PDSS1: variants seen among roughly 807,000 people sequenced by gnomAD.
PDSS1 encodes the protein decaprenyl diphosphate synthase subunit 1.
In PDSS1, 43 loss-of-function variants were observed where a neutral mutation model predicts 57.5. The ratio of observed to expected loss-of-function variants is 0.75; its 90% CI spans 0.59 to 0.96. PDSS1 has a LOEUF of 0.96. Ranked by LOEUF, PDSS1 falls within the 50% of genes least tolerant of loss-of-function variation. The probability of loss-of-function intolerance (pLI) is 0.00; values close to 1 mark genes in which losing one functional copy is unlikely to be tolerated. For synonymous variants in PDSS1, 175 were observed against 191.3 expected (o/e 0.91, Z 0.70); for missense variants, 438 against 527.8 (o/e 0.83, Z 1.67).
At position 26,735,380 on chromosome 10, in the gene PDSS1, T is replaced by C. The variant is rs1023588581; in HGVS notation, c.912+60T>C. 3 of 1,373,552 alleles carry C rather than the reference T, an allele frequency of 2.2e-6. No individual in the cohort carries two copies. In the African/African-American group the frequency reaches 4.3e-5, roughly 20 times the overall value. The allele number at this position is 1,373,552 out of a possible 1,614,324, so 85.1% of individuals were successfully genotyped here. On this transcript the variant is annotated intron_variant, in intron 9 of 11. Transcript: ENST00000376215. ...TAGTGATACAGTCAGCATTCTCCCC[T>C]AGTGTGTAATCGTCAAAATAGTAAG...
chr10:26,729,583 A>G (rs1279291401), intron 8 of PDSS1, among the ~76,000 whole-genome samples: 6 of 152,188 alleles, frequency 3.9e-5, no homozygotes, highest in Non-Finnish European at 7.3e-5. Flanking sequence ...CTGAGAATAT[A>G]CCATAGGAGT....
intron 5 of PDSS1, among the ~76,000 whole-genome samples, chr10:26,713,234 G>A (rs2132239277): frequency 6.8e-6 from 1 of 146,854 alleles, no homozygotes; most frequent in Non-Finnish European, 1.5e-5. Flanking sequence ...AGAGGTTGCA[G>A]TGAGCCGAGA....
chr10:26,715,795 A>C (rs1835554461), intron 5 of PDSS1: 1 of 152,300 alleles, frequency 6.6e-6, no homozygotes, highest in South Asian at 2.1e-4. Context: ...GCACAGAGCA[A>C]CCTGGATAAG....
At chr10:26,743,451 T>G (rs1028330565) in intron 11 of PDSS1, among the ~76,000 whole-genome samples, 2 of 152,240 alleles carry the variant, frequency 1.3e-5, no homozygotes, top group African/African-American at 4.8e-5. Context: ...CCTAAAAGGT[T>G]ATTTTTCTCT....
chr10:26,709,869 C>A, intron 5 of PDSS1, 101 bp downstream of exon 5: 1 of 1,299,084 alleles, frequency 7.7e-7, no homozygotes, highest in East Asian at 2.3e-5. Context: ...TTAGCATATA[C>A]CGGCTGGGCA....
At chr10:26,704,472 CT>C in intron 2 of PDSS1, among the ~76,000 whole-genome samples, 1 of 152,126 alleles carries the variant, frequency 6.6e-6, no homozygotes, top group Middle Eastern at 3.4e-3. Flanking sequence ...TTATTTTCTC[CT>C]TTTTTCTTAT....
intron 10 of PDSS1, among the ~76,000 whole-genome samples, chr10:26,736,265 T>A (rs1471887359): frequency 6.6e-6 from 1 of 152,234 alleles, no homozygotes; most frequent in Non-Finnish European, 1.5e-5. Flanking sequence ...GCCACATGGC[T>A]TGTGGCTGTA....
intron 5 of PDSS1, among the ~76,000 whole-genome samples, chr10:26,713,208 C>T (rs149391387): frequency 0.015 from 735 of 50,534 alleles, 16 homozygotes; most frequent in East Asian, 0.019. Flanking sequence ...AAGAGAATCG[C>T]TTGAACCCGG....
chr10:26,716,835 T>C (rs1282521127), intron 5 of PDSS1, among the ~76,000 whole-genome samples: 1 of 152,236 alleles, frequency 6.6e-6, no homozygotes, highest in Admixed American at 6.5e-5. Flanking sequence ...TTTTCCATGC[T>C]ACCTTGCCTG....
intron 8 of PDSS1, among the ~76,000 whole-genome samples, chr10:26,725,997 T>A (rs1022166564): frequency 2.0e-5 from 3 of 152,180 alleles, no homozygotes; most frequent in Non-Finnish European, 2.9e-5. Flanking sequence ...AGACTTACTG[T>A]CTGCACCATG....
intron 5 of PDSS1, chr10:26,718,591 T>C (rs1835678716): frequency 6.6e-6 from 1 of 152,024 alleles, no homozygotes; most frequent in South Asian, 2.1e-4. Context: ...TGAAACCCCA[T>C]CTCTACTAAA....
At chr10:26,735,436 C>T in intron 9 of PDSS1, 30 bp from the exon 10 acceptor site, 2 of 1,461,428 alleles carry the variant, frequency 1.4e-6, no homozygotes, top group Non-Finnish European at 1.9e-6. Flanking sequence ...CATGGCGGTG[C>T]TCCTTACATC....
intron 10 of PDSS1, among the ~76,000 whole-genome samples, chr10:26,736,273 G>A (rs1836397758): frequency 6.6e-6 from 1 of 152,236 alleles, no homozygotes; most frequent in Non-Finnish European, 1.5e-5. Context: ...GCTTGTGGCT[G>A]TACTGAATGT....
At chr10:26,731,322 C>T (rs772299513) in intron 8 of PDSS1, among the ~76,000 whole-genome samples, 3 of 152,070 alleles carry the variant, frequency 2.0e-5, no homozygotes, top group Non-Finnish European at 4.4e-5. Context: ...GCATGGGCGA[C>T]AAAGTGAGAC....
chr10:26,714,742 C>A (rs1311521207), intron 5 of PDSS1: 2 of 152,132 alleles, frequency 1.3e-5, no homozygotes, highest in African/African-American at 4.8e-5. Flanking sequence ...GTACAGAGAT[C>A]TGTTGATATC....
At chr10:26,723,181 G>A (rs1448724380) in intron 6 of PDSS1, among the ~76,000 whole-genome samples, 1 of 152,118 alleles carries the variant, frequency 6.6e-6, no homozygotes, top group Non-Finnish European at 1.5e-5. Flanking sequence ...CAAAAGGGAG[G>A]CATCTGACCA....
At chr10:26,745,429 T>TAA (rs746070173) in intron 11 of PDSS1, among the ~76,000 whole-genome samples, 1 of 152,186 alleles carries the variant, frequency 6.6e-6, no homozygotes, top group Non-Finnish European at 1.5e-5. Context: ...TGATGCTACC[T>TAA]AACAGAAGTA....
At chr10:26,740,798 T>A (rs1836571332) in intron 10 of PDSS1, 1 of 400,922 alleles carries the variant, frequency 2.5e-6, no homozygotes, top group Admixed American at 3.0e-5. Flanking sequence ...GCTAAGGAAG[T>A]CACTCGGCTG....
chr10:26,725,977 G>T (rs1835937038), intron 8 of PDSS1, among the ~76,000 whole-genome samples: 1 of 152,158 alleles, frequency 6.6e-6, no homozygotes, highest in Non-Finnish European at 1.5e-5. Flanking sequence ...TATTGGAATT[G>T]GAAACACCAA....
Sources: allele counts gnomAD v4.1 joint callset (sites outside exome capture counted in the v4.1 genomes callset), GRCh38; gene constraint gnomAD v4.1.1; transcripts MANE v1.5; gene names NCBI Gene and HGNC (gene_info 2026-07-23, HGNC 2026-07-21).